Variants in NRXN1 observed in about 807,000 individuals in gnomAD.
NRXN1 encodes the protein neurexin 1, also known as neurexin-1.
Under a neutral mutation model 150.9 loss-of-function variants are expected in NRXN1, and 39 were observed. The ratio of observed to expected loss-of-function variants is 0.26; its 90% CI spans 0.20 to 0.34. The LOEUF (loss-of-function observed/expected upper bound fraction) is 0.34. NRXN1 is among the 10% of genes least tolerant of loss of function. The probability of loss-of-function intolerance (pLI) is 1.00; values close to 1 mark genes in which losing one functional copy is unlikely to be tolerated. For missense variants in NRXN1, 1,815 were observed against 1,949.9 expected, an observed-to-expected ratio of 0.93 and a Z score of 1.30; for synonymous variants, 924 against 757.0, an observed-to-expected ratio of 1.22 and a Z score of -3.62.
chr2:49,982,531 T>C (rs1400826515), intron 21 of NRXN1, among the ~76,000 whole-genome samples: 1 of 152,068 alleles, frequency 6.6e-6, no homozygotes, highest in African/African-American at 2.4e-5. Flanking sequence ...TTTTTGTTGA[T>C]GATGCTGTTG....
intron 5 of NRXN1, among the ~76,000 whole-genome samples, chr2:50,828,789 C>T (rs1044421954): frequency 4.6e-5 from 7 of 151,948 alleles, no homozygotes; most frequent in African/African-American, 9.7e-5. Flanking sequence ...AGACGATAGG[C>T]GGCCAGGCAG....
chr2:50,559,089 A>C (rs1396594001), intron 8 of NRXN1, among the ~76,000 whole-genome samples: 2 of 152,052 alleles, frequency 1.3e-5, no homozygotes, highest in South Asian at 4.2e-4. Context: ...CTCAAAAAAT[A>C]AATAAATAAA....
At chr2:50,411,970 G>C (rs1253480014) in intron 17 of NRXN1, among the ~76,000 whole-genome samples, 4 of 152,216 alleles carry the variant, frequency 2.6e-5, no homozygotes, top group African/African-American at 4.8e-5. Flanking sequence ...TCTGTACTAA[G>C]AAAAATTCTT....
At chr2:50,566,145 G>T (rs1300600577) in intron 8 of NRXN1, among the ~76,000 whole-genome samples, 2 of 152,168 alleles carry the variant, frequency 1.3e-5, no homozygotes, top group African/African-American at 2.4e-5. Context: ...TATTTCGGTT[G>T]TATGTTGAAC....
intron 17 of NRXN1, among the ~76,000 whole-genome samples, chr2:50,373,679 A>AAAGAAAAGAAAGAAAG (rs1553513456): frequency 1.5e-5 from 1 of 65,638 alleles, no homozygotes; most frequent in African/African-American, 6.0e-5. Context: ...AGAAAGAAAG[A>AAAGAAAAGAAAGAAAG]AAAGAAAGAA....
At chr2:50,700,352 G>C (rs1054297013) in intron 5 of NRXN1, among the ~76,000 whole-genome samples, 1 of 152,144 alleles carries the variant, frequency 6.6e-6, no homozygotes, top group Non-Finnish European at 1.5e-5. Flanking sequence ...TATGACATCT[G>C]TATCAACTTG....
chr2:50,102,447 A>G (rs757465823), intron 18 of NRXN1, among the ~76,000 whole-genome samples: 15 of 152,058 alleles, frequency 9.9e-5, no homozygotes, highest in Non-Finnish European at 1.9e-4. Flanking sequence ...GAAGTTCAGT[A>G]TTCACCAATA....
At chr2:50,874,361 TC>T (rs1299216367) in intron 5 of NRXN1, among the ~76,000 whole-genome samples, 12 of 151,858 alleles carry the variant, frequency 7.9e-5, no homozygotes, top group Non-Finnish European at 1.2e-4. Context: ...TTAGATTTAA[TC>T]CTGACAACCA....
chr2:50,399,789 T>TAAAAAAAAA, intron 17 of NRXN1, among the ~76,000 whole-genome samples: 1 of 60,526 alleles, frequency 1.7e-5, no homozygotes, highest in Non-Finnish European at 3.0e-5. Context: ...AGAGAACTGG[T>TAAAAAAAAA]AAAAAAAAAA....
intron 5 of NRXN1, among the ~76,000 whole-genome samples, chr2:50,800,545 A>G (rs896786842): frequency 2.6e-5 from 4 of 152,174 alleles, no homozygotes; most frequent in African/African-American, 9.7e-5. Flanking sequence ...AAATGAATAA[A>G]TTAATAATGA....
At chr2:50,960,701 G>A (rs570656749) in intron 2 of NRXN1, among the ~76,000 whole-genome samples, 16 of 151,890 alleles carry the variant, frequency 1.1e-4, no homozygotes, top group Non-Finnish European at 2.2e-4. Context: ...TGAGTGCTCA[G>A]AGTATTATTT....
intron 18 of NRXN1, among the ~76,000 whole-genome samples, chr2:50,175,884 C>T (rs2060324578): frequency 6.6e-6 from 1 of 152,070 alleles, no homozygotes; most frequent in East Asian, 1.9e-4. Context: ...GGTAATTCTG[C>T]ACATTTTCTT....
intron 5 of NRXN1, chr2:50,912,326 G>C (rs150411848): frequency 2.0e-5 from 3 of 151,364 alleles, no homozygotes; most frequent in South Asian, 2.1e-4. Flanking sequence ...GGTGATTGTG[G>C]GAGTTCCTCA....
At chr2:50,684,771 C>T (rs1690969596) in intron 5 of NRXN1, among the ~76,000 whole-genome samples, 1 of 152,082 alleles carries the variant, frequency 6.6e-6, no homozygotes, top group African/African-American at 2.4e-5. Context: ...TAAGGTAAAA[C>T]CCTGAAATCT....
Position 49,921,822 on chromosome 2 carries a change from C to CTGAT in NRXN1, c.*118_*121dup, listed in dbSNP as rs1668252941. 2.1e-6 allele frequency: 2 copies of CTGAT among 973,658 alleles called. No individual in the cohort carries two copies. The highest frequency in any genetic ancestry group is 3.0e-6 in the Non-Finnish European group (2 of 661,966). 60.3% of individuals were successfully genotyped at this position (973,658 alleles called of 1,614,324 possible). A position where few individuals can be genotyped will look rare whatever the true frequency, so the allele number is the denominator to read the frequency against. On this transcript the variant is annotated 3_prime_UTR_variant, in exon 23 of 23. Coordinates refer to ENST00000401669, the MANE Select transcript of NRXN1 (RefSeq NM_001330078.2). ...TTATTTTTTAAAAAGTCTTTCCTTC[C>CTGAT]TGATTGCATTCCCTGTCTTCTTTTG...
intron 17 of NRXN1, among the ~76,000 whole-genome samples, chr2:50,397,576 T>C (rs1162210604): frequency 6.6e-6 from 1 of 152,092 alleles, no homozygotes; most frequent in African/African-American, 2.4e-5. Flanking sequence ...TCATTGGTCA[T>C]TTCTTGACCA....
At chr2:50,171,552 T>G (rs1045899385) in intron 18 of NRXN1, among the ~76,000 whole-genome samples, 6 of 152,122 alleles carry the variant, frequency 3.9e-5, no homozygotes, top group Admixed American at 3.3e-4. Flanking sequence ...GTCACTCTGA[T>G]AGCAGTCATT....
intron 21 of NRXN1, among the ~76,000 whole-genome samples, chr2:50,036,725 T>C (rs1048526554): frequency 5.3e-5 from 8 of 152,198 alleles, no homozygotes; most frequent in Non-Finnish European, 7.3e-5. Context: ...AAAAGCAATG[T>C]AACGTGAGTT....
chr2:50,570,710 T>C (rs1484252883), intron 8 of NRXN1, among the ~76,000 whole-genome samples: 1 of 151,648 alleles, frequency 6.6e-6, no homozygotes, highest in Non-Finnish European at 1.5e-5. Context: ...ACAACCTATT[T>C]GATAACAAAT....
Sources: gnomAD v4.1 joint callset for allele counts (sites outside exome capture counted in the v4.1 genomes callset) on GRCh38, gnomAD v4.1.1 for gene constraint, MANE v1.5 for transcripts, NCBI Gene and HGNC (gene_info 2026-07-23, HGNC 2026-07-21) for gene names.